The following CCDC148 variants were observed in gnomAD, a reference collection of about 807,000 sequenced individuals.
CCDC148 encodes coiled-coil domain-containing protein 148.
In CCDC148, 89 loss-of-function variants were observed where a neutral mutation model predicts 85.7. That is an observed-to-expected ratio of 1.04 (90% CI 0.87 to 1.24). The LOEUF (loss-of-function observed/expected upper bound fraction) is 1.24, where lower values mean the gene tolerates loss of function less well. CCDC148 is among the 50% of genes most tolerant of loss of function. The pLI is 0.00. For synonymous variants in CCDC148, 230 were observed against 213.9 expected, an observed-to-expected ratio of 1.08 and a Z score of -0.66; for missense variants, 692 against 671.7, an observed-to-expected ratio of 1.03 and a Z score of -0.33.
chr2:158,230,078 C>A (rs1687775793), intron 10 of CCDC148, among the ~76,000 whole-genome samples: 1 of 152,100 alleles, frequency 6.6e-6, no homozygotes. Flanking sequence ...GTATTTGATT[C>A]TATTAACCCT....
intron 3 of CCDC148, among the ~76,000 whole-genome samples, chr2:158,341,715 T>C (rs1682704663): frequency 6.6e-6 from 1 of 152,208 alleles, no homozygotes; most frequent in East Asian, 1.9e-4. Context: ...TTATGGCAGA[T>C]TCGATTAAAT....
intron 11 of CCDC148, among the ~76,000 whole-genome samples, chr2:158,214,929 C>T (rs1464889636): frequency 6.6e-6 from 1 of 151,706 alleles, no homozygotes; most frequent in East Asian, 1.9e-4. Context: ...AATTTCAATA[C>T]AAAAAAAATC....
chr2:158,257,598 G>A (rs1361612464), intron 9 of CCDC148, among the ~76,000 whole-genome samples: 1 of 151,466 alleles, frequency 6.6e-6, no homozygotes, highest in Non-Finnish European at 1.5e-5. Context: ...TTTATTCTTG[G>A]CTTCACAATT....
chr2:158,361,869 C>G (rs913247571), intron 1 of CCDC148, among the ~76,000 whole-genome samples: 1 of 151,926 alleles, frequency 6.6e-6, no homozygotes, highest in African/African-American at 2.4e-5. Flanking sequence ...AAGACACAGA[C>G]TGACAAATTG....
At chr2:158,449,990 A>ATTTTTTTT (rs5835706) in intron 1 of CCDC148, among the ~76,000 whole-genome samples, 1 of 144,156 alleles carries the variant, frequency 6.9e-6, no homozygotes. Context: ...TGTCATCTTC[A>ATTTTTTTT]TTTTTTTTTT....
At chr2:158,412,850 ATTATTATTAT>A (rs1304872470) in intron 1 of CCDC148, among the ~76,000 whole-genome samples, 3 of 139,276 alleles carry the variant, frequency 2.2e-5, no homozygotes, top group African/African-American at 7.5e-5. Context: ...TATTATTATT[ATTATTATTAT>A]TATTATTATA....
Position 158,185,216 on chromosome 2 carries a change from G to A in CCDC148, c.1371-6220C>T, listed in dbSNP as rs189900607. On this transcript the variant is annotated intron_variant, in intron 11 of 13. Transcript: ENST00000283233. ...GGATGACAGGTTCTCTCAGAGACCA[G>A]AGCCTTCTCAGGCTTGGATAAGTGC... Among the ~76,000 whole-genome samples, 322 of 152,266 alleles carry A rather than the reference G, an allele frequency of 2.1e-3. 1 individual carries two copies. The highest frequency in any genetic ancestry group is 3.7e-3 in the Non-Finnish European group (252 of 68,010).
At chr2:158,315,009 TC>T (rs1413007485) in intron 7 of CCDC148, among the ~76,000 whole-genome samples, 1 of 152,124 alleles carries the variant, frequency 6.6e-6, no homozygotes, top group African/African-American at 2.4e-5. Flanking sequence ...AAAGAAAAAT[TC>T]TTTTTCAAAG....
chr2:158,334,709 A>C (rs1371989916), intron 7 of CCDC148, among the ~76,000 whole-genome samples: 2 of 152,008 alleles, frequency 1.3e-5, no homozygotes, highest in Non-Finnish European at 2.9e-5. Flanking sequence ...TTGTAAATTA[A>C]ATCATTATAT....
chr2:158,303,177 G>A (rs1422655149), intron 9 of CCDC148, among the ~76,000 whole-genome samples: 1 of 152,086 alleles, frequency 6.6e-6, no homozygotes, highest in Non-Finnish European at 1.5e-5. Flanking sequence ...CAAAATTATG[G>A]TTAAATGTTT....
At chr2:158,376,414 T>A (rs1430606494) in intron 1 of CCDC148, among the ~76,000 whole-genome samples, 2 of 152,050 alleles carry the variant, frequency 1.3e-5, no homozygotes, top group African/African-American at 4.8e-5. Context: ...CAAGGAGTAA[T>A]TTTCCTCTAA....
intron 11 of CCDC148, among the ~76,000 whole-genome samples, chr2:158,214,942 C>T (rs993031863): frequency 1.3e-5 from 2 of 152,004 alleles, no homozygotes; most frequent in Admixed American, 6.6e-5. Context: ...AAAAAATCAA[C>T]AACATTTCTA....
At chr2:158,190,342 C>A (rs1235007439) in intron 11 of CCDC148, among the ~76,000 whole-genome samples, 1 of 151,932 alleles carries the variant, frequency 6.6e-6, no homozygotes, top group Non-Finnish European at 1.5e-5. Flanking sequence ...TTTATTTGCC[C>A]AATTGCCTCT....
At chr2:158,368,927 T>G (rs1684314100) in intron 1 of CCDC148, among the ~76,000 whole-genome samples, 1 of 152,078 alleles carries the variant, frequency 6.6e-6, no homozygotes, top group South Asian at 2.1e-4. Flanking sequence ...ATTCTTCTCT[T>G]TTCTAAGAAA....
At chr2:158,309,708 A>G in intron 8 of CCDC148, 69 bp from the exon 9 acceptor site, 1 of 1,080,406 alleles carries the variant, frequency 9.3e-7, no homozygotes, top group South Asian at 1.6e-5. Flanking sequence ...TCATTGTTAC[A>G]AAAATGAAAA....
At chr2:158,423,837 C>T (rs975487115) in intron 1 of CCDC148, among the ~76,000 whole-genome samples, 8 of 149,752 alleles carry the variant, frequency 5.3e-5, no homozygotes, top group African/African-American at 2.0e-4. Context: ...GGCTAATATC[C>T]AGAATCTACA....
intron 7 of CCDC148, among the ~76,000 whole-genome samples, chr2:158,326,986 A>T (rs1337738434): frequency 6.6e-6 from 1 of 152,182 alleles, no homozygotes; most frequent in Non-Finnish European, 1.5e-5. Flanking sequence ...ATGTCAGTTA[A>T]TATAAATTTT....
intron 10 of CCDC148, among the ~76,000 whole-genome samples, chr2:158,247,676 G>A (rs1201381651): frequency 6.6e-6 from 1 of 152,038 alleles, no homozygotes; most frequent in African/African-American, 2.4e-5. Context: ...GACCAACATA[G>A]TGAATCCCGT....
intron 13 of CCDC148, among the ~76,000 whole-genome samples, chr2:158,175,338 T>TTTG (rs10676747): frequency 0.98 from 148,408 of 151,850 alleles, 72,617 homozygotes; most frequent in East Asian, 1. Context: ...ACAACCTATT[T>TTTG]TTGTTGTTAT....
Sources: allele counts gnomAD v4.1 joint callset (sites outside exome capture counted in the v4.1 genomes callset), GRCh38; gene constraint gnomAD v4.1.1; transcripts MANE v1.5; gene names NCBI Gene and HGNC (gene_info 2026-07-23, HGNC 2026-07-21).